The following PALLD variants were observed in gnomAD, a reference collection of about 807,000 sequenced individuals.
PALLD encodes palladin, cytoskeletal associated protein.
PALLD carries 61 observed loss-of-function variants against 123.5 expected under a neutral mutation model. That is an observed-to-expected ratio of 0.49 (90% CI 0.40 to 0.61). The LOEUF is 0.61. Ranked by LOEUF, PALLD falls within the 20% of genes least tolerant of loss-of-function variation. The pLI is 0.00. For missense variants in PALLD, 1,273 were observed against 1,377.0 expected (o/e 0.92, Z 1.20); for synonymous variants, 465 against 496.4 (o/e 0.94, Z 0.84).
chr4:168,524,665 A>T (rs1344535700), intron 2 of PALLD, among the ~76,000 whole-genome samples: 1 of 152,212 alleles, frequency 6.6e-6, no homozygotes, highest in Non-Finnish European at 1.5e-5. Flanking sequence ...AGTTTGGGTG[A>T]GTCCTCCTGA....
At chr4:168,881,977 C>A (rs1400043240) in intron 10 of PALLD, among the ~76,000 whole-genome samples, 1 of 152,170 alleles carries the variant, frequency 6.6e-6, no homozygotes, top group Non-Finnish European at 1.5e-5. Flanking sequence ...GGCACTGTTT[C>A]TTTTGCCATC....
At chr4:168,599,921 T>C (rs1218717328) in intron 2 of PALLD, among the ~76,000 whole-genome samples, 2 of 151,976 alleles carry the variant, frequency 1.3e-5, no homozygotes, top group Non-Finnish European at 2.9e-5. Context: ...CACATATATA[T>C]ACACATGCAC....
chr4:168,769,862 T>C (rs1251705044), intron 10 of PALLD, among the ~76,000 whole-genome samples: 1 of 152,208 alleles, frequency 6.6e-6, no homozygotes, highest in Non-Finnish European at 1.5e-5. Flanking sequence ...TTGCTGGTTT[T>C]TAGTTATCTA....
chr4:168,574,547 C>A (rs1409218421), intron 2 of PALLD, among the ~76,000 whole-genome samples: 1 of 152,120 alleles, frequency 6.6e-6, no homozygotes, highest in Non-Finnish European at 1.5e-5. Context: ...CCCTAATAGA[C>A]TGTATGTTCC....
chr4:168,673,736 T>C (rs1780538691), intron 3 of PALLD, among the ~76,000 whole-genome samples: 1 of 151,912 alleles, frequency 6.6e-6, no homozygotes, highest in African/African-American at 2.4e-5. Flanking sequence ...AGTGGTTCCA[T>C]GTGGAGGCGA....
intron 10 of PALLD, among the ~76,000 whole-genome samples, chr4:168,751,850 C>T (rs1731102129): frequency 6.6e-6 from 1 of 152,152 alleles, no homozygotes; most frequent in Non-Finnish European, 1.5e-5. Context: ...GGTAGAGGGA[C>T]AGGACATAAG....
chr4:168,758,298 G>C (rs62333926), intron 10 of PALLD, among the ~76,000 whole-genome samples: 1 of 151,970 alleles, frequency 6.6e-6, no homozygotes, highest in African/African-American at 2.4e-5. Flanking sequence ...CTCAGACATT[G>C]ATCCAACTCA....
chr4:168,778,579 T>C (rs1041524176), intron 10 of PALLD, among the ~76,000 whole-genome samples: 1 of 152,190 alleles, frequency 6.6e-6, no homozygotes, highest in Non-Finnish European at 1.5e-5. Context: ...GTCTAGCACA[T>C]AGTAGATACT....
intron 10 of PALLD, among the ~76,000 whole-genome samples, chr4:168,884,269 C>G (rs1753036836): frequency 6.6e-6 from 1 of 152,172 alleles, no homozygotes; most frequent in Non-Finnish European, 1.5e-5. Context: ...TTACGTTAGT[C>G]CAGTGAGATG....
At chr4:168,528,025 T>G (rs1179201200) in intron 2 of PALLD, among the ~76,000 whole-genome samples, 1 of 152,196 alleles carries the variant, frequency 6.6e-6, no homozygotes, top group African/African-American at 2.4e-5. Context: ...AGGTGATCCC[T>G]TATCCCTGGG....
chr4:168,815,737 A>G (rs1035651403), intron 10 of PALLD, among the ~76,000 whole-genome samples: 3 of 152,204 alleles, frequency 2.0e-5, no homozygotes, highest in African/African-American at 7.2e-5. Context: ...AACACGGTGG[A>G]CGAGGGAAGG....
intron 1 of PALLD, among the ~76,000 whole-genome samples, chr4:168,507,984 C>T (rs557051763): frequency 6.6e-6 from 1 of 152,358 alleles, no homozygotes; most frequent in Admixed American, 6.5e-5. Context: ...CCTCACACAT[C>T]ATTCTTTCAG....
At chr4:168,506,305 A>G (rs1274021632) in intron 1 of PALLD, among the ~76,000 whole-genome samples, 3 of 152,152 alleles carry the variant, frequency 2.0e-5, no homozygotes, top group Non-Finnish European at 4.4e-5. Flanking sequence ...CCTCCAATGC[A>G]CAGAAGTCTC....
intron 10 of PALLD, among the ~76,000 whole-genome samples, chr4:168,714,075 ATAC>A (rs1185097284): frequency 6.7e-6 from 1 of 149,618 alleles, no homozygotes; most frequent in Non-Finnish European, 1.5e-5. Context: ...ATATGTGATG[ATAC>A]TTTTTAAATA....
intron 3 of PALLD, among the ~76,000 whole-genome samples, chr4:168,673,115 TGA>T (rs1474153755): frequency 6.6e-6 from 1 of 152,134 alleles, no homozygotes; most frequent in African/African-American, 2.4e-5. Context: ...ATACAGTGAG[TGA>T]CTACTGTAAG....
chr4:168,828,364 C>T (rs1032986097), intron 10 of PALLD, among the ~76,000 whole-genome samples: 20 of 152,200 alleles, frequency 1.3e-4, no homozygotes, highest in Admixed American at 1.3e-3. Flanking sequence ...TGAACAATGT[C>T]GATTTGTGGT....
At chr4:168,624,725 A>G (rs1775074818) in intron 2 of PALLD, among the ~76,000 whole-genome samples, 1 of 152,206 alleles carries the variant, frequency 6.6e-6, no homozygotes, top group African/African-American at 2.4e-5. Context: ...CAATATGAGT[A>G]AGATAGAATG....
At chr4:168,618,833 G>T (rs541357266) in intron 2 of PALLD, among the ~76,000 whole-genome samples, 6 of 152,212 alleles carry the variant, frequency 3.9e-5, no homozygotes, top group Middle Eastern at 3.4e-3. Context: ...CTTCCCTCCC[G>T]CTCAGCTCCT....
At chr4:168,631,623 G>C (rs1775818426) in intron 2 of PALLD, 1 of 985,448 alleles carries the variant, frequency 1.0e-6, no homozygotes, top group Non-Finnish European at 1.2e-6. Flanking sequence ...GCGCATTCGC[G>C]CGCTGGAGAC....
Sources: gnomAD v4.1 joint callset for allele counts (sites outside exome capture counted in the v4.1 genomes callset) on GRCh38, gnomAD v4.1.1 for gene constraint, MANE v1.5 for transcripts, NCBI Gene and HGNC (gene_info 2026-07-23, HGNC 2026-07-21) for gene names.